R3HDM1: variants seen among roughly 807,000 people sequenced by gnomAD.
R3HDM1 encodes R3H domain containing 1, also known as R3H domain-containing protein 1.
Under a neutral mutation model 141.1 loss-of-function variants are expected in R3HDM1, and 46 were observed. The ratio of observed to expected loss-of-function variants is 0.33; its 90% confidence interval spans 0.26 to 0.42. The LOEUF is 0.42. Among genes scored for constraint, R3HDM1 ranks in the 10% least tolerant of loss-of-function variants. The probability of loss-of-function intolerance (pLI) is 1.00; values close to 1 mark genes in which losing one functional copy is unlikely to be tolerated. For missense variants in R3HDM1, 1,184 were observed against 1,368.3 expected, an observed-to-expected ratio of 0.87 and a Z score of 2.12; for synonymous variants, 435 against 472.9, an observed-to-expected ratio of 0.92 and a Z score of 1.04.
intron 5 of R3HDM1, chr2:135,620,198 C>CT: frequency 1.4e-6 from 1 of 718,914 alleles, no homozygotes; most frequent in Non-Finnish European, 1.7e-6. Flanking sequence ...AGTGTGAAAT[C>CT]TTTTCTCCCA....
In R3HDM1 at chr2:135,684,748, G is replaced by GT. The variant is rs1220893669; in HGVS notation, c.2459+4434dup. ...TTTAGTGAAATACACATTCTCTTGC[G>GT]TTTTTTTTTTCTTTTCCATTTTATT... On this transcript the variant is annotated intron_variant, in intron 21 of 26. Transcript: ENST00000683871. 4.1e-4 allele frequency among the ~76,000 whole-genome samples: 60 copies of GT among 147,256 alleles called. No individual in the cohort carries two copies. The Middle Eastern group carries it at 0.011, about 26-fold the overall frequency.
At chr2:135,710,316 C>A in intron 23 of R3HDM1, 85 bp downstream of exon 23, 1 of 1,381,488 alleles carries the variant, frequency 7.2e-7, no homozygotes, top group African/African-American at 1.5e-5. Flanking sequence ...TTTGAAATCC[C>A]GTCAGCCAGA....
intron 18 of R3HDM1, among the ~76,000 whole-genome samples, chr2:135,656,222 T>C (rs1469518731): frequency 6.6e-6 from 1 of 152,218 alleles, no homozygotes; most frequent in African/African-American, 2.4e-5. Context: ...TTGAGTAACA[T>C]TTAAATGGTA....
chr2:135,650,916 TG>T, intron 17 of R3HDM1: 1 of 985,466 alleles, frequency 1.0e-6, no homozygotes, highest in Non-Finnish European at 1.2e-6. Context: ...TATATTTTAT[TG>T]CCAGTCTGTG....
At chr2:135,712,083 G>T (rs1317976056) in intron 23 of R3HDM1, among the ~76,000 whole-genome samples, 1 of 152,028 alleles carries the variant, frequency 6.6e-6, no homozygotes, top group East Asian at 1.9e-4. Context: ...ACAAAGCCAG[G>T]GCGATCACAG....
chr2:135,566,689 G>A, intron 1 of R3HDM1: 2 of 955,568 alleles, frequency 2.1e-6, no homozygotes, highest in Non-Finnish European at 2.5e-6. Context: ...GCTGTTTGGT[G>A]AGCAAGAGGT....
chr2:135,635,982 A>G lies in R3HDM1; in HGVS notation c.791A>G (p.Asp264Gly). Residue 264 changes from aspartate (D) to glycine (G), a missense_variant, in exon 10 of 27, where the codon GAC becomes GGC. Asp to Gly is a moderately conservative substitution (Grantham distance 94, BLOSUM62 -1). Coordinates refer to ENST00000683871, the MANE Select transcript of R3HDM1 (RefSeq NM_001378107.1). The stretch of plus-strand genomic sequence containing the variant: ...CTCAAGAGAGATAACTCTAGCTTTG[A>G]CAAAGATGATAACCAGGTAATCTAG... The part of the protein sequence containing the change: ...YILKRDNSSF[D>G]KDDNQMRIRL... 6.2e-7 allele frequency: 1 copy of G among 1,611,832 alleles called. No individual in the cohort carries two copies. Among genetic ancestry groups the G allele is most frequent in the Non-Finnish European group, 8.5e-7 (1 of 1,179,142 alleles).
At chr2:135,651,088 G>A in intron 17 of R3HDM1, 5 of 985,298 alleles carry the variant, frequency 5.1e-6, no homozygotes, top group African/African-American at 1.7e-5. Context: ...TTTAGTAAAA[G>A]CATAGGAAAC....
At chr2:135,701,912 T>A (rs141807794) in intron 21 of R3HDM1, among the ~76,000 whole-genome samples, 1 of 152,166 alleles carries the variant, frequency 6.6e-6, no homozygotes, top group Non-Finnish European at 1.5e-5. Context: ...ATTTATCTTG[T>A]TTTTAAACAG....
At chr2:135,626,441 G>C (rs2062064133) in intron 7 of R3HDM1, among the ~76,000 whole-genome samples, 1 of 152,166 alleles carries the variant, frequency 6.6e-6, no homozygotes, top group Non-Finnish European at 1.5e-5. Context: ...GGATAGGGTG[G>C]TGGGAACCAG....
At chr2:135,609,723 G>A (rs147235867) in intron 3 of R3HDM1, among the ~76,000 whole-genome samples, 93 of 152,004 alleles carry the variant, frequency 6.1e-4, no homozygotes, top group African/African-American at 2.1e-3. Flanking sequence ...GATTTTCTTC[G>A]CGGATAGGTT....
chr2:135,698,224 A>C (rs1044048661), intron 21 of R3HDM1, among the ~76,000 whole-genome samples: 4 of 144,562 alleles, frequency 2.8e-5, no homozygotes, highest in Non-Finnish European at 6.0e-5. Context: ...CAGTGGTGCG[A>C]TGTCGGCTCA....
At chr2:135,717,591 G>T (rs1457051660) in intron 24 of R3HDM1, among the ~76,000 whole-genome samples, 1 of 152,162 alleles carries the variant, frequency 6.6e-6, no homozygotes, top group African/African-American at 2.4e-5. Flanking sequence ...AAAGGGTGAG[G>T]ATTGAAAAAT....
At chr2:135,574,204 ATT>A (rs1704832166) in intron 1 of R3HDM1, among the ~76,000 whole-genome samples, 1 of 152,206 alleles carries the variant, frequency 6.6e-6, no homozygotes. Flanking sequence ...TTTTTAAAAA[ATT>A]TTAAAATCAC....
In R3HDM1 at chr2:135,699,028, TAGATAGATAGATAGATA is replaced by T. The variant is rs1357716208; in HGVS notation, c.2460-10395_2460-10379del. 8.4e-5 allele frequency among the ~76,000 whole-genome samples: 10 copies of T among 118,538 alleles called. No individual in the cohort carries two copies. The East Asian group carries it at 1.0e-3, about 12-fold the overall frequency. 77.8% of individuals were successfully genotyped at this position (118,538 alleles called of 152,430 possible). On this transcript the variant is annotated intron_variant, in intron 21 of 26. Coordinates refer to ENST00000683871, the MANE Select transcript of R3HDM1 (RefSeq NM_001378107.1). ...ATAGATAGATAGATAGATAGATAGA[TAGATAGATAGATAGATA>T]AGATAGATAAGATAGATTGATTAGA...
chr2:135,682,987 ACT>A (rs1470272297), intron 21 of R3HDM1, among the ~76,000 whole-genome samples: 2 of 151,930 alleles, frequency 1.3e-5, no homozygotes, highest in South Asian at 2.1e-4. Flanking sequence ...ACAGAGGGAG[ACT>A]CTGCCTCAAA....
intron 1 of R3HDM1, among the ~76,000 whole-genome samples, chr2:135,541,578 G>T (rs1397494140): frequency 6.6e-6 from 1 of 152,046 alleles, no homozygotes; most frequent in African/African-American, 2.4e-5. Flanking sequence ...AAGAGATGGG[G>T]TATCAGCCAG....
intron 1 of R3HDM1, among the ~76,000 whole-genome samples, chr2:135,589,871 CATCTT>C (rs1224186531): frequency 3.3e-5 from 5 of 151,914 alleles, no homozygotes; most frequent in East Asian, 3.9e-4. Flanking sequence ...GCAAATCTGT[CATCTT>C]ATAAATATGC....
chr2:135,687,434 A>G (rs1430098276), intron 21 of R3HDM1, among the ~76,000 whole-genome samples: 1 of 152,216 alleles, frequency 6.6e-6, no homozygotes, highest in Non-Finnish European at 1.5e-5. Flanking sequence ...ACAAAAAAAG[A>G]AAAACAGTTA....
Sources: allele counts gnomAD v4.1 joint callset (sites outside exome capture counted in the v4.1 genomes callset), GRCh38; gene constraint gnomAD v4.1.1; transcripts MANE v1.5; gene names NCBI Gene and HGNC (gene_info 2026-07-23, HGNC 2026-07-21).